The following NEDD8 variants were observed in gnomAD, a reference collection of about 807,000 sequenced individuals.
NEDD8 encodes the protein ubiquitin-like protein NEDD8.
In NEDD8, 1 loss-of-function variant was observed where a neutral mutation model predicts 13.8. The ratio of observed to expected loss-of-function variants is 0.07; its 90% CI spans 0.03 to 0.34. The LOEUF (loss-of-function observed/expected upper bound fraction) is 0.34. Ranked by LOEUF, NEDD8 falls within the 10% of genes least tolerant of loss-of-function variation. The pLI, the probability that NEDD8 is intolerant of heterozygous loss-of-function variation, is 0.99. For synonymous variants in NEDD8, 31 were observed against 33.2 expected (o/e 0.93, Z 0.23); for missense variants, 10 against 95.2 (o/e 0.10, Z 3.73).
chr14:24,225,828 C>T (rs112724553), intron 1 of NEDD8, among the ~76,000 whole-genome samples: 7,840 of 152,206 alleles, frequency 0.052, 705 homozygotes, highest in African/African-American at 0.18. Flanking sequence ...CACCTGAGGT[C>T]AGGAGTTCGA....
chr14:24,217,934 T>C (rs73604965), intron 3 of NEDD8, 199 bp downstream of exon 3: 5,379 of 505,228 alleles, frequency 0.011, 248 homozygotes, highest in African/African-American at 0.094. Flanking sequence ...TATAATTAGT[T>C]TTCCTTTAAT....
chr14:24,219,282 C>T (rs1388040202), intron 1 of NEDD8, among the ~76,000 whole-genome samples: 4 of 149,958 alleles, frequency 2.7e-5, no homozygotes, highest in Non-Finnish European at 4.4e-5. Context: ...GACAACACAG[C>T]GAAACCCTGT....
intron 1 of NEDD8, among the ~76,000 whole-genome samples, chr14:24,221,988 G>T (rs181391152): frequency 4.6e-5 from 7 of 152,260 alleles, no homozygotes; most frequent in African/African-American, 9.6e-5. Context: ...TTTTAAAAAG[G>T]ATTATTGGTT....
intron 1 of NEDD8, 155 bp downstream of exon 1, chr14:24,232,095 T>C: frequency 9.3e-6 from 11 of 1,182,582 alleles, no homozygotes; most frequent in South Asian, 3.0e-5. Flanking sequence ...CCCTTCTGGG[T>C]CCCCCTATTT....
At chr14:24,225,244 T>C (rs1415291162) in intron 1 of NEDD8, among the ~76,000 whole-genome samples, 2 of 150,648 alleles carry the variant, frequency 1.3e-5, no homozygotes, top group African/African-American at 4.9e-5. Context: ...GGAAACTCTA[T>C]TCAACAAGAA....
intron 1 of NEDD8, chr14:24,231,531 G>C (rs2040023240): frequency 2.0e-5 from 3 of 151,270 alleles, no homozygotes; most frequent in Admixed American, 2.0e-4. Context: ...AGGCACAAAA[G>C]AGGAAACAGC....
chr14:24,226,099 C>G (rs1352008963), intron 1 of NEDD8, among the ~76,000 whole-genome samples: 1 of 149,474 alleles, frequency 6.7e-6, no homozygotes, highest in Non-Finnish European at 1.5e-5. Flanking sequence ...GGAGGAAATA[C>G]AAAAGAAATG....
intron 1 of NEDD8, among the ~76,000 whole-genome samples, chr14:24,224,346 G>A (rs1216325072): frequency 2.0e-5 from 3 of 152,144 alleles, no homozygotes; most frequent in African/African-American, 4.8e-5. Flanking sequence ...TTACAGGCAT[G>A]AGCCACCATG....
intron 1 of NEDD8, chr14:24,231,719 A>G (rs2040030390): frequency 6.5e-6 from 1 of 153,268 alleles, no homozygotes; most frequent in Non-Finnish European, 1.5e-5. Context: ...CTGACTGAAC[A>G]CACTCCCCGC....
chr14:24,224,104 AT>A lies in NEDD8; in HGVS notation c.19-5674del, dbSNP rs1360572298. On this transcript the variant is annotated intron_variant, in intron 1 of 3. Coordinates refer to ENST00000250495, the MANE Select transcript of NEDD8 (RefSeq NM_006156.3). The stretch of plus-strand genomic sequence containing the variant: ...CACTACGCCCAGGCTAATTTTTTGT[AT>A]TTTTTAGTAGAGACGGGTTTTCACT... Among the ~76,000 whole-genome samples, 86 of 151,904 alleles carry A rather than the reference AT, an allele frequency of 5.7e-4. 1 individual carries two copies. In the East Asian group the frequency reaches 0.016, roughly 28 times the overall value.
chr14:24,221,516 G>A, intron 1 of NEDD8, among the ~76,000 whole-genome samples: 1 of 152,102 alleles, frequency 6.6e-6, no homozygotes, highest in East Asian at 1.9e-4. Context: ...CTGACCTCAA[G>A]TGATCCACCT....
At chr14:24,232,017 T>C (rs1338667973) in intron 1 of NEDD8, 7 of 598,426 alleles carry the variant, frequency 1.2e-5, no homozygotes, top group South Asian at 1.1e-4. Flanking sequence ...AGCACAGTCC[T>C]GGCAAAAAAG....
chr14:24,230,638 G>C (rs993485867), intron 1 of NEDD8, among the ~76,000 whole-genome samples: 5 of 147,152 alleles, frequency 3.4e-5, no homozygotes, highest in Non-Finnish European at 4.5e-5. Context: ...TGCAGGGGGA[G>C]ATGGAGTTTC....
intron 1 of NEDD8, among the ~76,000 whole-genome samples, chr14:24,224,684 C>T (rs1351980359): frequency 6.6e-6 from 1 of 152,142 alleles, no homozygotes. Flanking sequence ...TTGTAACCCC[C>T]AATGAAACAA....
chr14:24,221,396 C>A (rs2039807801), intron 1 of NEDD8, among the ~76,000 whole-genome samples: 1 of 151,586 alleles, frequency 6.6e-6, no homozygotes, highest in African/African-American at 2.4e-5. Flanking sequence ...ATCCCCACCT[C>A]AGCCTCTTGA....
rs1432279984 is a variant in NEDD8 at position 24,221,282 on chromosome 14, ACTTT to A, written c.19-2855_19-2852del. Among the ~76,000 whole-genome samples the A allele has an allele frequency of 1.6e-3, 236 of 147,376 alleles. 1 individual carries two copies. Among genetic ancestry groups the A allele is most frequent in the African/African-American group, 5.2e-3 (201 of 38,392 alleles). On this transcript the variant is annotated intron_variant, in intron 1 of 3. Transcript: ENST00000250495. Reference sequence around the variant, plus strand: ...TTCTGTGTTGTCCACAAATTATTTCACTTTCTTTTTTTTTTTTTTTGAGACGGGG... The same window carrying A: ...TTCTGTGTTGTCCACAAATTATTTCACTTTTTTTTTTTTTTTGAGACGGGG...
Position 24,230,967 on chromosome 14 carries a change from G to T in NEDD8, c.18+1283C>A, listed in dbSNP as rs540178183. Among the ~76,000 whole-genome samples, 15 of 149,946 alleles carry T rather than the reference G, an allele frequency of 1.0e-4. 1 individual carries two copies. The South Asian group carries it at 3.2e-3, about 32-fold the overall frequency. ...TGCAGTGGTGCCATCACTGCTCACC[G>T]CGGCTTCGACATCCCAGGATCAATC... On this transcript the variant is annotated intron_variant, in intron 1 of 3. Coordinates refer to ENST00000250495, the MANE Select transcript of NEDD8 (RefSeq NM_006156.3).
At chr14:24,228,413 A>G (rs2039931399) in intron 1 of NEDD8, 1 of 151,846 alleles carries the variant, frequency 6.6e-6, no homozygotes, top group African/African-American at 2.4e-5. Context: ...CAAAACAAAA[A>G]TAATAATAAT....
chr14:24,224,899 C>G (rs896734817), intron 1 of NEDD8, among the ~76,000 whole-genome samples: 4 of 152,156 alleles, frequency 2.6e-5, no homozygotes, highest in African/African-American at 7.2e-5. Context: ...TGTCTCATGC[C>G]TGTAATCCCA....
Sources: gnomAD v4.1 joint callset for allele counts (sites outside exome capture counted in the v4.1 genomes callset) on GRCh38, gnomAD v4.1.1 for gene constraint, MANE v1.5 for transcripts, NCBI Gene and HGNC (gene_info 2026-07-23, HGNC 2026-07-21) for gene names.